The following DLGAP2 variants were observed in gnomAD, a reference collection of about 807,000 sequenced individuals.
DLGAP2 encodes the protein DLG associated protein 2.
A neutral mutation model predicts 100.3 loss-of-function variants in DLGAP2; 26 were observed. The observed-to-expected ratio is 0.26, with a 90% CI of 0.19 to 0.36. The LOEUF (loss-of-function observed/expected upper bound fraction) is 0.36. DLGAP2 is among the 10% of genes least tolerant of loss of function. DLGAP2 has a pLI of 1.00. For missense variants in DLGAP2, 1,858 were observed against 1,453.2 expected, an observed-to-expected ratio of 1.28 and a Z score of -4.53; for synonymous variants, 886 against 630.1, an observed-to-expected ratio of 1.41 and a Z score of -6.08.
chr8:1,372,173 G>T (rs563211973), intron 3 of DLGAP2, among the ~76,000 whole-genome samples: 1 of 152,108 alleles, frequency 6.6e-6, no homozygotes, highest in South Asian at 2.1e-4. Context: ...GCAGGTCACC[G>T]TGGCGCCAAC....
chr8:1,549,809 T>A, intron 5 of DLGAP2, 126 bp downstream of exon 5: 2 of 1,076,120 alleles, frequency 1.9e-6, no homozygotes, highest in Non-Finnish European at 2.6e-6. Flanking sequence ...TGTTCTGAGC[T>A]ACGGATATGT....
At position 1,626,813 on chromosome 8, in the gene DLGAP2, C is replaced by G. The variant is rs1027570762; in HGVS notation, c.1516C>G (p.Pro506Ala). ...SLDPAANYNS[P>A]KFRSRNQSYM... ...GGACCCCGCTGCGAACTACAACTCC[C>G]CGAAATTCCGCTCCCGGAACCAGAG... is the stretch of plus-strand genomic sequence containing the variant. Residue 506 changes from proline to alanine, a missense_variant, in exon 7 of 15, where the codon CCG becomes GCG. Physicochemically the swap from Pro to Ala is conservative, Grantham distance 27. Coordinates refer to ENST00000637795, the MANE Select transcript of DLGAP2 (RefSeq NM_001346810.2). 1 of 1,605,112 alleles carries G rather than the reference C, an allele frequency of 6.2e-7. No individual in the cohort carries two copies. Among genetic ancestry groups the G allele is most frequent in the Non-Finnish European group, 8.5e-7 (1 of 1,176,186 alleles).
chr8:895,653 C>T (rs1315082575), intron 1 of DLGAP2, among the ~76,000 whole-genome samples: 4 of 152,142 alleles, frequency 2.6e-5, no homozygotes, highest in Non-Finnish European at 5.9e-5. Flanking sequence ...ACTTAGGGTT[C>T]ACGAGGTTTA....
At chr8:1,366,203 C>A (rs919243479) in intron 3 of DLGAP2, among the ~76,000 whole-genome samples, 18 of 152,222 alleles carry the variant, frequency 1.2e-4, no homozygotes, top group African/African-American at 4.3e-4. Flanking sequence ...TTCTAATGTG[C>A]TGCTTTCTGT....
intron 3 of DLGAP2, among the ~76,000 whole-genome samples, chr8:1,361,860 G>A (rs929203631): frequency 8.5e-5 from 13 of 152,258 alleles, no homozygotes; most frequent in Admixed American, 7.8e-4. Context: ...GCCTGAGCCC[G>A]GCTCCCACGG....
At chr8:1,411,024 T>C (rs1796716411) in intron 3 of DLGAP2, among the ~76,000 whole-genome samples, 1 of 152,178 alleles carries the variant, frequency 6.6e-6, no homozygotes, top group Non-Finnish European at 1.5e-5. Flanking sequence ...GTGGGTTTAT[T>C]TATTGAGTTT....
chr8:1,307,773 GA>G (rs1258953302), intron 3 of DLGAP2, among the ~76,000 whole-genome samples: 1 of 152,180 alleles, frequency 6.6e-6, no homozygotes, highest in African/African-American at 2.4e-5. Flanking sequence ...GTCACAAAAG[GA>G]GAGTGACTGT....
intron 1 of DLGAP2, among the ~76,000 whole-genome samples, chr8:771,874 G>A (rs954913082): frequency 6.6e-6 from 1 of 152,186 alleles, no homozygotes; most frequent in Admixed American, 6.5e-5. Flanking sequence ...GTCTGGTGGG[G>A]ACAGAATTCT....
intron 3 of DLGAP2, chr8:1,369,285 G>A (rs185250168): frequency 3.9e-4 from 60 of 152,220 alleles, no homozygotes; most frequent in Admixed American, 1.8e-3. Flanking sequence ...ATGGAGATGT[G>A]GGCAGGGCTG....
At chr8:1,216,069 C>G (rs4458905) in intron 2 of DLGAP2, among the ~76,000 whole-genome samples, 33,261 of 152,138 alleles carry the variant, frequency 0.22, 4,313 homozygotes, top group East Asian at 0.45. Flanking sequence ...TGGTTGGCTC[C>G]AAGTTTGAAT....
chr8:1,469,213 A>G (rs1563167620), intron 3 of DLGAP2, among the ~76,000 whole-genome samples: 1 of 152,232 alleles, frequency 6.6e-6, no homozygotes, highest in Non-Finnish European at 1.5e-5. Flanking sequence ...CCCCTCGCCC[A>G]GCTCCTGCAC....
chr8:1,698,237 G>T (rs935010969), intron 14 of DLGAP2, among the ~76,000 whole-genome samples: 8 of 152,154 alleles, frequency 5.3e-5, no homozygotes, highest in African/African-American at 1.2e-4. Flanking sequence ...GAGTGCACAG[G>T]GTCCACGTAA....
chr8:961,891 AC>A (rs1311543341), intron 2 of DLGAP2, among the ~76,000 whole-genome samples: 1 of 152,162 alleles, frequency 6.6e-6, no homozygotes, highest in African/African-American at 2.4e-5. Context: ...GTCTTCATAG[AC>A]CTTTTGATCA....
chr8:932,482 T>A (rs1798981620), intron 2 of DLGAP2, among the ~76,000 whole-genome samples: 1 of 152,278 alleles, frequency 6.6e-6, no homozygotes, highest in African/African-American at 2.4e-5. Flanking sequence ...TGTTTTTTCA[T>A]TTCCTATAAA....
At chr8:1,656,793 C>T (rs1477610759) in intron 8 of DLGAP2, among the ~76,000 whole-genome samples, 2 of 152,160 alleles carry the variant, frequency 1.3e-5, no homozygotes, top group African/African-American at 4.8e-5. Context: ...TTTCTTCGTG[C>T]CCCAAGTCAT....
At chr8:1,590,360 C>T (rs2130669410) in intron 6 of DLGAP2, among the ~76,000 whole-genome samples, 1 of 152,286 alleles carries the variant, frequency 6.6e-6, no homozygotes, top group Admixed American at 6.5e-5. Flanking sequence ...ACCCCTCTAT[C>T]TTGGTAATTA....
At chr8:929,517 C>T (rs867358436) in intron 2 of DLGAP2, among the ~76,000 whole-genome samples, 3 of 6,124 alleles carry the variant, frequency 4.9e-4, no homozygotes, top group Non-Finnish European at 1.0e-3. Context: ...ACATCCCAGA[C>T]CCCCCCATTC....
intron 1 of DLGAP2, among the ~76,000 whole-genome samples, chr8:763,085 C>A (rs1431668283): frequency 6.6e-6 from 1 of 151,352 alleles, no homozygotes; most frequent in Non-Finnish European, 1.5e-5. Context: ...AAAGGGAAGA[C>A]GACTAGTTTA....
chr8:1,478,692 G>A (rs1318169647), intron 3 of DLGAP2, among the ~76,000 whole-genome samples: 1 of 151,598 alleles, frequency 6.6e-6, no homozygotes, highest in African/African-American at 2.4e-5. Flanking sequence ...TCAAACCAAT[G>A]GAATAGACCT....
Sources: gnomAD v4.1 joint callset for allele counts (sites outside exome capture counted in the v4.1 genomes callset) on GRCh38, gnomAD v4.1.1 for gene constraint, MANE v1.5 for transcripts, NCBI Gene and HGNC (gene_info 2026-07-23, HGNC 2026-07-21) for gene names.